Variants in BBS9 observed in about 807,000 individuals in gnomAD.
BBS9 encodes Bardet-Biedl syndrome 9, also known as protein PTHB1.
Under a neutral mutation model 117.7 loss-of-function variants are expected in BBS9, and 89 were observed. That is an observed-to-expected ratio of 0.76 (90% confidence interval 0.64 to 0.90). BBS9 has a LOEUF of 0.90. Among genes scored for constraint, BBS9 ranks in the 40% least tolerant of loss-of-function variants. BBS9 has a pLI of 0.00. For missense variants in BBS9, 982 were observed against 1,042.2 expected (o/e 0.94, Z 0.80); for synonymous variants, 379 against 370.9 (o/e 1.02, Z -0.25).
chr7:33,173,357 G>A (rs1215991311), intron 4 of BBS9, among the ~76,000 whole-genome samples: 3 of 152,004 alleles, frequency 2.0e-5, no homozygotes, highest in Admixed American at 6.6e-5. Flanking sequence ...GAGGCGGGTG[G>A]ATCACGAGGT....
At chr7:33,324,098 A>G (rs1325807287) in intron 9 of BBS9, among the ~76,000 whole-genome samples, 1 of 152,010 alleles carries the variant, frequency 6.6e-6, no homozygotes, top group Admixed American at 6.5e-5. Flanking sequence ...TTGGGATCCC[A>G]AAGTGTTGGG....
intron 5 of BBS9, among the ~76,000 whole-genome samples, chr7:33,238,056 G>A (rs1320627882): frequency 1.3e-5 from 2 of 152,184 alleles, no homozygotes; most frequent in Admixed American, 6.5e-5. Flanking sequence ...TTTTCAGACT[G>A]ACTGCTTATT....
At chr7:33,546,483 G>A (rs1468175768) in intron 21 of BBS9, among the ~76,000 whole-genome samples, 3 of 151,996 alleles carry the variant, frequency 2.0e-5, no homozygotes, top group Non-Finnish European at 2.9e-5. Context: ...TTTTATAGTT[G>A]CCTCCTATCT....
intron 19 of BBS9, among the ~76,000 whole-genome samples, chr7:33,442,543 T>G (rs1037958618): frequency 2.0e-5 from 3 of 152,176 alleles, no homozygotes; most frequent in Non-Finnish European, 2.9e-5. Flanking sequence ...TGTTAGAAAG[T>G]GTTTTTTAAA....
At chr7:33,578,194 T>A (rs1236231114) in intron 21 of BBS9, among the ~76,000 whole-genome samples, 2 of 152,180 alleles carry the variant, frequency 1.3e-5, no homozygotes, top group Non-Finnish European at 2.9e-5. Flanking sequence ...TCTACATAGA[T>A]CTTGAAATAA....
At chr7:33,509,553 T>C (rs900107595) in intron 20 of BBS9, among the ~76,000 whole-genome samples, 2 of 152,214 alleles carry the variant, frequency 1.3e-5, no homozygotes, top group Non-Finnish European at 2.9e-5. Flanking sequence ...GCAGAGTACA[T>C]GTGTGAGAGG....
chr7:33,396,372 A>G (rs1047639281), intron 19 of BBS9, among the ~76,000 whole-genome samples: 6 of 152,320 alleles, frequency 3.9e-5, no homozygotes, highest in African/African-American at 1.4e-4. Flanking sequence ...AACATTTTAT[A>G]TAACTGAAAA....
intron 9 of BBS9, among the ~76,000 whole-genome samples, chr7:33,290,879 C>T (rs542037399): frequency 6.6e-6 from 1 of 152,138 alleles, no homozygotes; most frequent in South Asian, 2.1e-4. Context: ...CCTTTTTGTC[C>T]AGACTGTTAC....
chr7:33,324,313 A>G (rs1812368566), intron 9 of BBS9, among the ~76,000 whole-genome samples: 1 of 152,214 alleles, frequency 6.6e-6, no homozygotes, highest in South Asian at 2.1e-4. Context: ...TGATTTCATA[A>G]ACAAGCAAAC....
In BBS9 at chr7:33,273,114, T is replaced by C. The variant is rs1800117811; in HGVS notation, c.805T>C (p.Phe269Leu). ...TTTTGTTCTTGGTGAGAGAAACTTT[T>C]TTTGCCTTAAGGATAATGGACAAAT... ...SVFVLGERNF[F>L]CLKDNGQIRF... Residue 269 changes from phenylalanine (F) to leucine (L), a missense_variant, in exon 8 of 23, where the codon TTT becomes CTT. Coordinates refer to ENST00000242067, the MANE Select transcript of BBS9 (RefSeq NM_198428.3). 6.2e-7 allele frequency: 1 copy of C among 1,613,656 alleles called. No individual in the cohort carries two copies. The highest frequency in any genetic ancestry group is 8.5e-7 in the Non-Finnish European group (1 of 1,179,812).
At chr7:33,630,609 C>T (rs1865846166) in intron 21 of BBS9, among the ~76,000 whole-genome samples, 1 of 152,164 alleles carries the variant, frequency 6.6e-6, no homozygotes, top group Non-Finnish European at 1.5e-5. Flanking sequence ...AGCCAGTCCC[C>T]TGCTGAAGAG....
chr7:33,231,931 A>G (rs1259556569), intron 5 of BBS9, among the ~76,000 whole-genome samples: 2 of 152,120 alleles, frequency 1.3e-5, no homozygotes, highest in Non-Finnish European at 2.9e-5. Flanking sequence ...AGATGCCAGT[A>G]GTACCCCTCT....
chr7:33,387,788 A>T (rs576280449), intron 18 of BBS9, among the ~76,000 whole-genome samples: 1 of 152,148 alleles, frequency 6.6e-6, no homozygotes, highest in Non-Finnish European at 1.5e-5. Context: ...AACTTTTACA[A>T]TTTTCCATTT....
chr7:33,249,251 A>ACACACACACACG (rs761285224), intron 5 of BBS9, among the ~76,000 whole-genome samples: 2 of 151,544 alleles, frequency 1.3e-5, no homozygotes, highest in African/African-American at 4.8e-5. Flanking sequence ...ACACACACAC[A>ACACACACACACG]CGCGTACACT....
intron 21 of BBS9, among the ~76,000 whole-genome samples, chr7:33,583,412 T>A (rs1432380716): frequency 6.6e-6 from 1 of 152,120 alleles, no homozygotes; most frequent in Admixed American, 6.6e-5. Flanking sequence ...TCCCCCTTGA[T>A]TCTCTTTATA....
chr7:33,596,395 A>ATCTATCTATCTATCTATC (rs766677015), intron 21 of BBS9, among the ~76,000 whole-genome samples: 4 of 82,442 alleles, frequency 4.9e-5, no homozygotes, highest in African/African-American at 2.2e-4. Context: ...ATCTATCTAT[A>ATCTATCTATCTATCTATC]TATAATTAGT....
intron 5 of BBS9, among the ~76,000 whole-genome samples, chr7:33,183,387 A>C (rs912534483): frequency 6.6e-5 from 10 of 152,308 alleles, no homozygotes; most frequent in African/African-American, 1.4e-4. Flanking sequence ...GGAAAAAAAA[A>C]CATAAAGGCC....
At chr7:33,294,374 C>T (rs1252590125) in intron 9 of BBS9, among the ~76,000 whole-genome samples, 1 of 149,714 alleles carries the variant, frequency 6.7e-6, no homozygotes, top group African/African-American at 2.4e-5. Context: ...TCCATCCATC[C>T]ATCCATCCAT....
chr7:33,509,035 T>C (rs1846536969), intron 20 of BBS9, among the ~76,000 whole-genome samples: 1 of 152,182 alleles, frequency 6.6e-6, no homozygotes, highest in African/African-American at 2.4e-5. Context: ...GAAAATTCTT[T>C]CAACTCTCTT....
Sources: allele counts gnomAD v4.1 joint callset (sites outside exome capture counted in the v4.1 genomes callset), GRCh38; gene constraint gnomAD v4.1.1; transcripts MANE v1.5; gene names NCBI Gene and HGNC (gene_info 2026-07-23, HGNC 2026-07-21).